The following DNAJB4 variants were observed in gnomAD, a reference collection of about 807,000 sequenced individuals.
The protein encoded by DNAJB4 is DnaJ heat shock protein family (Hsp40) member B4, also known as dnaJ homolog subfamily B member 4.
Under a neutral mutation model 26.6 loss-of-function variants are expected in DNAJB4, and 10 were observed. The ratio of observed to expected loss-of-function variants is 0.38; its 90% CI spans 0.23 to 0.64. DNAJB4 has a LOEUF of 0.64. DNAJB4 is among the 30% of genes least tolerant of loss of function. The pLI is 0.58. For missense variants in DNAJB4, 328 were observed against 408.2 expected, an observed-to-expected ratio of 0.80 and a Z score of 1.69; for synonymous variants, 136 against 134.8, an observed-to-expected ratio of 1.01 and a Z score of -0.06.
chr1:77,997,533 C>G (rs771211184), intron 1 of DNAJB4, among the ~76,000 whole-genome samples: 1 of 151,846 alleles, frequency 6.6e-6, no homozygotes, highest in South Asian at 2.1e-4. Context: ...ACAATCTGAC[C>G]GTAACTTATT....
intron 1 of DNAJB4, among the ~76,000 whole-genome samples, chr1:78,006,301 G>C (rs1660328700): frequency 6.6e-6 from 1 of 152,114 alleles, no homozygotes; most frequent in African/African-American, 2.4e-5. Context: ...ATTGCTAATT[G>C]ATAACACAAA....
Position 78,013,635 on chromosome 1 carries a change from C to G in DNAJB4, c.780+16C>G. 1 of 1,533,526 alleles carries G rather than the reference C, an allele frequency of 6.5e-7. No homozygotes were observed. The highest frequency in any genetic ancestry group is 8.7e-7 in the Non-Finnish European group (1 of 1,144,984). The allele number at this position is 1,533,526 out of a possible 1,614,324, so 95.0% of individuals were successfully genotyped here. On this transcript the variant is annotated intron_variant, in intron 2 of 2. Transcript: ENST00000370763. ...TTTACGAGAGGTAAGTTGGTAGGAC[C>G]TAAAATCCTAAGACCAAATAATTAT...
At position 78,017,783 on chromosome 1, in the gene DNAJB4, G is replaced by A. The variant is rs1456787818; in HGVS notation, c.*1536G>A. 7.5e-6 allele frequency: 1 copy of A among 133,374 alleles called. No homozygotes were observed. The highest frequency in any genetic ancestry group is 2.8e-5 in the African/African-American group (1 of 36,102). The allele number at this position is 133,374 out of a possible 1,614,324, so 8.3% of individuals were successfully genotyped here. ...CAATATATGGCTTTTTTTTTTTTTG[G>A]TCTGGCCTCTTTCATTTAGCTTAAT... On this transcript the variant is annotated 3_prime_UTR_variant, in exon 3 of 3. Coordinates refer to ENST00000370763, the MANE Select transcript of DNAJB4 (RefSeq NM_007034.5).
chr1:77,984,625 C>T (rs182926078), intron 1 of DNAJB4, among the ~76,000 whole-genome samples: 26 of 152,230 alleles, frequency 1.7e-4, no homozygotes, highest in Non-Finnish European at 2.9e-4. Flanking sequence ...TGTCTTCTCC[C>T]TTTTCCCCTC....
intron 1 of DNAJB4, among the ~76,000 whole-genome samples, chr1:77,995,915 C>G (rs970780939): frequency 6.6e-6 from 1 of 152,140 alleles, no homozygotes; most frequent in Non-Finnish European, 1.5e-5. Context: ...CATTGCACTC[C>G]AGCCTGGGCA....
intron 1 of DNAJB4, among the ~76,000 whole-genome samples, chr1:78,009,658 T>G (rs1660417865): frequency 6.6e-6 from 1 of 152,234 alleles, no homozygotes; most frequent in Non-Finnish European, 1.5e-5. Flanking sequence ...ACAATGCAAG[T>G]GATACTTGCA....
At chr1:77,999,421 A>G (rs184363903) in intron 1 of DNAJB4, among the ~76,000 whole-genome samples, 98 of 147,494 alleles carry the variant, frequency 6.6e-4, no homozygotes, top group African/African-American at 2.3e-3. Flanking sequence ...TGGGGAAGGC[A>G]TAGAACAGGT....
At position 78,013,586 on chromosome 1, in the gene DNAJB4, T is replaced by C; in HGVS notation, c.747T>C (p.Asn249=). 6.2e-7 allele frequency: 1 copy of C among 1,602,760 alleles called. No individual in the cohort carries two copies. The highest frequency in any genetic ancestry group is 8.5e-7 in the Non-Finnish European group (1 of 1,177,678). The part of the protein sequence containing the change: ...DHPKFKRDGS[N]IIYTAKISLR... ...CAAAATTTAAAAGGGATGGATCAAA[T>C]ATAATTTATACTGCTAAAATTAGTT... The change falls in exon 2 of 3, where the codon AAT becomes AAC. Residue 249 remains asparagine, a synonymous_variant. Transcript: ENST00000370763.
intron 1 of DNAJB4, among the ~76,000 whole-genome samples, chr1:77,985,096 C>G (rs894552402): frequency 1.1e-4 from 17 of 152,132 alleles, no homozygotes; most frequent in African/African-American, 4.1e-4. Context: ...CCAAAAACAT[C>G]TTAATTTTTG....
intron 1 of DNAJB4, among the ~76,000 whole-genome samples, chr1:77,987,010 C>T (rs948224985): frequency 6.6e-6 from 1 of 152,192 alleles, no homozygotes; most frequent in Non-Finnish European, 1.5e-5. Context: ...ACCCTCCACC[C>T]CTGCCACAAC....
chr1:77,993,329 T>C (rs1489070484), intron 1 of DNAJB4, among the ~76,000 whole-genome samples: 1 of 152,168 alleles, frequency 6.6e-6, no homozygotes, highest in Admixed American at 6.5e-5. Flanking sequence ...TTTTTTTCTT[T>C]TTTGAGATCG....
At chr1:77,981,122 T>G (rs970442506) in intron 1 of DNAJB4, 1 of 152,160 alleles carries the variant, frequency 6.6e-6, no homozygotes, top group Non-Finnish European at 1.5e-5. Flanking sequence ...CTCAATTTAT[T>G]TTAGTTATCA....
At position 78,016,283 on chromosome 1, in the gene DNAJB4, A is replaced by C. The variant is rs758835955; in HGVS notation, c.*36A>C. 1 of 1,549,184 alleles carries C rather than the reference A, an allele frequency of 6.5e-7. No individual in the cohort carries two copies. The highest frequency in any genetic ancestry group is 2.2e-5 in the East Asian group (1 of 44,490). On this transcript the variant is annotated 3_prime_UTR_variant, in exon 3 of 3. Transcript: ENST00000370763. ...TTTGTTACACATATTTTGATAAGGC[A>C]CTGAAAATATAAAAGGACTGGTAGT...
intron 1 of DNAJB4, among the ~76,000 whole-genome samples, chr1:77,988,971 ATTGT>A (rs1318584117): frequency 6.6e-5 from 10 of 152,112 alleles, no homozygotes; most frequent in Non-Finnish European, 1.3e-4. Flanking sequence ...GGATTTAGTA[ATTGT>A]TTGTTTCTGA....
intron 2 of DNAJB4, among the ~76,000 whole-genome samples, chr1:78,014,949 C>T (rs1273838105): frequency 6.6e-6 from 1 of 152,120 alleles, no homozygotes; most frequent in East Asian, 1.9e-4. Flanking sequence ...CTCTATGGAA[C>T]ACTATTGTTT....
At chr1:78,001,359 A>T (rs1046592734), upstream of DNAJB4, among the ~76,000 whole-genome samples, 2 of 143,166 alleles carry the variant, frequency 1.4e-5, no homozygotes, top group African/African-American at 5.3e-5. Context: ...AAAAAAAAAA[A>T]TTTAGGACTA....
At chr1:78,005,365 C>T (rs1660304578) in intron 1 of DNAJB4, 44 bp downstream of exon 1, 3 of 1,174,910 alleles carry the variant, frequency 2.6e-6, no homozygotes, top group Admixed American at 4.3e-5. Flanking sequence ...AGCTCTGTCT[C>T]TTTTTTTTTT....
chr1:78,003,675 T>A (rs539540252), upstream of DNAJB4, among the ~76,000 whole-genome samples: 1 of 152,298 alleles, frequency 6.6e-6, no homozygotes, highest in African/African-American at 2.4e-5. Flanking sequence ...TGGGAACATT[T>A]TTGAAAAGAT....
chr1:77,994,385 A>T (rs1052419877), intron 1 of DNAJB4, among the ~76,000 whole-genome samples: 3 of 151,354 alleles, frequency 2.0e-5, no homozygotes, highest in African/African-American at 7.3e-5. Flanking sequence ...GTGACAGAGC[A>T]AGACTGTCTC....
Sources: allele counts gnomAD v4.1 joint callset (sites outside exome capture counted in the v4.1 genomes callset), GRCh38; gene constraint gnomAD v4.1.1; transcripts MANE v1.5; gene names NCBI Gene and HGNC (gene_info 2026-07-23, HGNC 2026-07-21).